Variants in EMILIN3 observed in about 807,000 individuals in gnomAD.
EMILIN3 encodes the protein elastin microfibril interfacer 3.
EMILIN3 carries 38 observed loss-of-function variants against 42.8 expected under a neutral mutation model. That is an observed-to-expected ratio of 0.89 (90% CI 0.69 to 1.16). The LOEUF (loss-of-function observed/expected upper bound fraction) is 1.16, where lower values mean the gene tolerates loss of function less well. Among genes scored for constraint, EMILIN3 ranks in the 50% most tolerant of loss-of-function variants. EMILIN3 has a pLI of 0.00. For missense variants in EMILIN3, 924 were observed against 999.5 expected, an observed-to-expected ratio of 0.92 and a Z score of 1.02; for synonymous variants, 430 against 440.5, an observed-to-expected ratio of 0.98 and a Z score of 0.30.
Position 41,366,188 on chromosome 20 carries a change from G to A in EMILIN3, c.167+280C>T, listed in dbSNP as rs1302941151. Among the ~76,000 whole-genome samples the A allele has an allele frequency of 2.6e-5, 4 of 152,218 alleles. No individual in the cohort carries two copies. The highest frequency in any genetic ancestry group is 2.6e-4 in the Admixed American group (4 of 15,292). On this transcript the variant is annotated intron_variant, in intron 1 of 3. Transcript: ENST00000332312. The surrounding 1 kb of genome is among the most constrained non-coding windows in gnomAD (Gnocchi z 4.2). Reference sequence around the variant, plus strand: ...CCCGGAGTCTGCACACAGCGCAGCTGGAAAATGTTACTTCGCTGGAAAGGT... The same window carrying A: ...CCCGGAGTCTGCACACAGCGCAGCTAGAAAATGTTACTTCGCTGGAAAGGT...
In EMILIN3 at chr20:41,366,803, C is replaced by T. The variant is rs2147037991; in HGVS notation, c.-169G>A. 2 of 288,170 alleles carry T rather than the reference C, an allele frequency of 6.9e-6. No individual in the cohort carries two copies. Among genetic ancestry groups the T allele is most frequent in the South Asian group, 1.3e-4 (1 of 7,544 alleles). 17.9% of individuals were successfully genotyped at this position (288,170 alleles called of 1,614,324 possible). On this transcript the variant is annotated 5_prime_UTR_variant, in exon 1 of 4. Transcript: ENST00000332312. This position sits in a 1 kb window ranked among gnomAD's most constrained non-coding sequence, Gnocchi z 4.2. ...CCGGCCGCCTGGCGCTTCGCGGCGGCTGCGTCCCGCGGAGTGGCCGGCGCT... is the reference window on the plus strand; with the variant it reads ...CCGGCCGCCTGGCGCTTCGCGGCGGTTGCGTCCCGCGGAGTGGCCGGCGCT...
At chr20:41,363,537 C>A in intron 3 of EMILIN3, 101 bp downstream of exon 3, 1 of 1,206,490 alleles carries the variant, frequency 8.3e-7, no homozygotes, top group Non-Finnish European at 1.1e-6. Flanking sequence ...CCTCCCCATC[C>A]ATGCCGGAGC....
Position 41,365,114 on chromosome 20 carries a change from G to T in EMILIN3, c.211C>A (p.Leu71Ile). ...YVVHRNVTCILQEGAESYVKA... is the reference protein window; with the variant it reads ...YVVHRNVTCIIQEGAESYVKA... ...ACGTAGCTCTCCGCTCCCTCCTGTA[G>T]GATGCAGGTCACATTCCTGTGCACC... Residue 71 changes from leucine to isoleucine, a missense_variant, in exon 2 of 4, where the codon CTA becomes ATA. Coordinates refer to ENST00000332312, the MANE Select transcript of EMILIN3 (RefSeq NM_052846.2). The T allele has an allele frequency of 6.2e-7, 1 of 1,614,066 alleles. No individual in the cohort carries two copies. The highest frequency in any genetic ancestry group is 8.5e-7 in the Non-Finnish European group (1 of 1,179,962).
chr20:41,362,930 C>T lies in EMILIN3; in HGVS notation c.639G>A (p.Met213Ile), dbSNP rs2046373811. Residue 213 changes from methionine to isoleucine, a missense_variant, in exon 4 of 4, where the codon ATG becomes ATA. Transcript: ENST00000332312. The part of the protein sequence containing the change: ...LVASHEDPNR[M>I]TGGPRAPAVP... ...CAGCAGGAGCCCTGGGGCCACCAGTCATCCTGTTGGGATCCTCGTGGCTAG... is the reference window on the plus strand; with the variant it reads ...CAGCAGGAGCCCTGGGGCCACCAGTTATCCTGTTGGGATCCTCGTGGCTAG... 6.2e-7 allele frequency: 1 copy of T among 1,613,536 alleles called. No homozygotes were observed. Among genetic ancestry groups the T allele is most frequent in the African/African-American group, 1.3e-5 (1 of 74,948 alleles).
intron 3 of EMILIN3, 103 bp from the exon 4 acceptor site, chr20:41,363,157 T>TC (rs2046375772): frequency 9.3e-7 from 1 of 1,080,072 alleles, no homozygotes; most frequent in Admixed American, 2.9e-5. Flanking sequence ...TTTTTTTTTT[T>TC]TGAGACAGAG....
intron 2 of EMILIN3, 139 bp downstream of exon 2, chr20:41,364,896 C>T (rs1477569486): frequency 1.2e-5 from 16 of 1,332,594 alleles, no homozygotes; most frequent in Non-Finnish European, 1.5e-5. Context: ...CCGCCTTCTA[C>T]TCTGGCCTGT....
In EMILIN3 at chr20:41,366,471, T is replaced by G. The variant is rs192531993; in HGVS notation, c.164A>C (p.His55Pro). 22,193 of 1,130,310 alleles carry G rather than the reference T, an allele frequency of 0.02. 296 individuals carry two copies. Among genetic ancestry groups the G allele is most frequent in the Middle Eastern group, 0.031 (82 of 2,612 alleles). The allele number at this position is 1,130,310 out of a possible 1,614,324, so 70.0% of individuals were successfully genotyped here. A position where few individuals can be genotyped will look rare whatever the true frequency, so the allele number is the denominator to read the frequency against. Residue 55 changes from histidine to proline, a missense_variant, in exon 1 of 4, where the codon CAC (histidine) becomes CCC (proline). Coordinates refer to ENST00000332312, the MANE Select transcript of EMILIN3 (RefSeq NM_052846.2). This position sits in a 1 kb window ranked among gnomAD's most constrained non-coding sequence, Gnocchi z 4.2. The part of the protein sequence containing the change: ...GWRPRLRPGP[H>P]KALCAYVVHR... ...CCCGCCGCCCGCCCGCGCTTACTTG[T>G]GCGGCCCCGGGCGCAGCCGCGGGCG...
At chr20:41,365,406 C>A (rs985840219) in intron 1 of EMILIN3, among the ~76,000 whole-genome samples, 2 of 152,218 alleles carry the variant, frequency 1.3e-5, no homozygotes, top group Non-Finnish European at 2.9e-5. Flanking sequence ...CCTGATGTGG[C>A]TGCCCCTCCC....
intron 3 of EMILIN3, 89 bp from the exon 4 acceptor site, chr20:41,363,143 C>CTTTT: frequency 3.1e-6 from 3 of 974,508 alleles, no homozygotes; most frequent in Non-Finnish European, 4.3e-6. Context: ...ACTTTCTGTT[C>CTTTT]TTTTTTTTTT....
chr20:41,362,455 G>C lies in EMILIN3; in HGVS notation c.1114C>G (p.Gln372Glu), dbSNP rs1409631934. ...CCAGACACGCTCAGGCCCTGCAGCT[G>C]GCTGCCCAGCTGTGACAGCTCCTGG... ...LRQELSQLGSQLQGLSVSGRG... is the reference protein window; with the variant it reads ...LRQELSQLGSELQGLSVSGRG... The change falls in exon 4 of 4, where the codon CAG (glutamine) becomes GAG (glutamate). Residue 372 changes from glutamine to glutamate, a missense_variant. Coordinates refer to ENST00000332312, the MANE Select transcript of EMILIN3 (RefSeq NM_052846.2). 1 of 1,600,066 alleles carries C rather than the reference G, an allele frequency of 6.2e-7. No homozygotes were observed. Among genetic ancestry groups the C allele is most frequent in the Non-Finnish European group, 8.5e-7 (1 of 1,179,746 alleles).
At chr20:41,363,235 G>C (rs1172385607) in intron 3 of EMILIN3, among the ~76,000 whole-genome samples, 181 bp from the exon 4 acceptor site, 2 of 151,924 alleles carry the variant, frequency 1.3e-5, no homozygotes, top group East Asian at 1.9e-4. Flanking sequence ...CCGCCTTCCG[G>C]GTTCATGCCA....
chr20:41,360,345 T>A lies in EMILIN3; in HGVS notation c.*923A>T, dbSNP rs1359273328. 1.3e-5 allele frequency: 2 copies of A among 152,146 alleles called. No individual in the cohort carries two copies. Among genetic ancestry groups the A allele is most frequent in the African/African-American group, 2.4e-5 (1 of 41,396 alleles). 9.4% of individuals were successfully genotyped at this position (152,146 alleles called of 1,614,324 possible). On this transcript the variant is annotated 3_prime_UTR_variant, in exon 4 of 4. Transcript: ENST00000332312. Reference sequence around the variant, plus strand: ...GCCTGGCCTCATTCAGGCCACTTTGTAGAGAAATGCCCTGACCTCGCAGGA... The same window carrying A: ...GCCTGGCCTCATTCAGGCCACTTTGAAGAGAAATGCCCTGACCTCGCAGGA...
intron 2 of EMILIN3, among the ~76,000 whole-genome samples, chr20:41,364,295 G>A (rs2046383077): frequency 6.6e-6 from 1 of 152,164 alleles, no homozygotes; most frequent in Non-Finnish European, 1.5e-5. Flanking sequence ...TCACTGCCCT[G>A]GGGGCCACTC....
In EMILIN3 at chr20:41,359,986, C is replaced by G. The variant is rs1302952499; in HGVS notation, c.*1282G>C. 1.3e-5 allele frequency: 2 copies of G among 152,604 alleles called. No individual in the cohort carries two copies. Among genetic ancestry groups the G allele is most frequent in the East Asian group, 3.8e-4 (2 of 5,196 alleles). 9.5% of individuals were successfully genotyped at this position (152,604 alleles called of 1,614,324 possible). On this transcript the variant is annotated 3_prime_UTR_variant, in exon 4 of 4. Transcript: ENST00000332312. Reference sequence around the variant, plus strand: ...CTTTAGACCGGCTAAAAGCTTTAATCCAGAGCCTGCCCTACTCTGATAGTA... The same window carrying G: ...CTTTAGACCGGCTAAAAGCTTTAATGCAGAGCCTGCCCTACTCTGATAGTA...
rs140838664 is a variant in EMILIN3, at chr20:41,362,138, G to A, written c.1431C>T (p.Leu477=). 9.4e-5 allele frequency: 151 copies of A among 1,607,814 alleles called. 1 individual carries two copies. In the African/African-American group the frequency reaches 1.1e-3, roughly 12 times the overall value. ...CAGCCAATGTTGCTAGGCGCTCCTC[G>A]AGGCTCTGCACGCGCTCTTCCAGCA... is the stretch of plus-strand genomic sequence containing the variant. The part of the protein sequence containing the change: ...GTMLEERVQS[L]EERLATLAGE... Residue 477 remains leucine (L), a synonymous_variant, in exon 4 of 4, where the codon CTC becomes CTT. Coordinates refer to ENST00000332312, the MANE Select transcript of EMILIN3 (RefSeq NM_052846.2).
chr20:41,362,636 G>A lies in EMILIN3; in HGVS notation c.933C>T (p.Leu311=). ...EEYVDRRLHR[L]WGSLLDGFEQ... The stretch of plus-strand genomic sequence containing the variant: ...CAAAGCCATCCAGCAGGCTCCCCCA[G>A]AGTCGGTGCAGCCGTCGGTCCACGT... Residue 311 remains leucine, a synonymous_variant, in exon 4 of 4, where the codon CTC becomes CTT. Transcript: ENST00000332312. 1 of 1,607,196 alleles carries A rather than the reference G, an allele frequency of 6.2e-7. No individual in the cohort carries two copies.
rs564869267 is a variant in EMILIN3, at chr20:41,360,906, A to G, written c.*362T>C. Reference sequence around the variant, plus strand: ...CTGCAGGGTCCTCTCAAGGCCTTACATACGGACACTGATCAAGGCCAGTTT... The same window carrying G: ...CTGCAGGGTCCTCTCAAGGCCTTACGTACGGACACTGATCAAGGCCAGTTT... On this transcript the variant is annotated 3_prime_UTR_variant, in exon 4 of 4. Transcript: ENST00000332312. The G allele has an allele frequency of 1.3e-5, 4 of 315,408 alleles. No individual in the cohort carries two copies. The highest frequency in any genetic ancestry group is 5.9e-5 in the East Asian group (1 of 16,918). The allele number at this position is 315,408 out of a possible 1,614,324, so 19.5% of individuals were successfully genotyped here. A position where few individuals can be genotyped will look rare whatever the true frequency, so the allele number is the denominator to read the frequency against.
Position 41,365,046 on chromosome 20 carries a change from G to A in EMILIN3, c.279C>T (p.Pro93=), listed in dbSNP as rs770448707. 1.1e-5 allele frequency: 17 copies of A among 1,613,222 alleles called. No individual in the cohort carries two copies. In the African/African-American group the frequency reaches 1.3e-4, roughly 13 times the overall value. ...YRQCRWGPKC[P]GTVTYRTVLR... is the part of the protein sequence containing the mutation. ...AGGAGTGCACTTACGTGACTGTCCC[G>A]GGGCACTTGGGCCCCCATCTACACT... Residue 93 remains proline, a synonymous_variant, in exon 2 of 4, where the codon CCC becomes CCT. Transcript: ENST00000332312.
In EMILIN3 at chr20:41,363,662, T is replaced by G; in HGVS notation, c.490A>C (p.Ser164Arg). Residue 164 changes from serine to arginine, a missense_variant, in exon 3 of 4, where the codon AGC becomes CGC. Transcript: ENST00000332312. Reference sequence around the variant, plus strand: ...CCATGAGGGCTGGGGGCTGCTCTGCTGTAGGAAGGGGGCCTGGGGCCTGGG... The same window carrying G: ...CCATGAGGGCTGGGGGCTGCTCTGCGGTAGGAAGGGGGCCTGGGGCCTGGG... ...LDPGPRPPSY[S>R]RAAPSPHGRK... is the part of the protein sequence containing the mutation. 5 of 1,612,772 alleles carry G rather than the reference T, an allele frequency of 3.1e-6. No homozygotes were observed. Among genetic ancestry groups the G allele is most frequent in the Non-Finnish European group, 4.2e-6 (5 of 1,179,492 alleles).
Sources: gnomAD v4.1 joint callset for allele counts (sites outside exome capture counted in the v4.1 genomes callset) on GRCh38, gnomAD v4.1.1 for gene constraint, Gnocchi (gnomAD v3.1) non-coding constraint, MANE v1.5 for transcripts, NCBI Gene and HGNC (gene_info 2026-07-23, HGNC 2026-07-21) for gene names.